Variants in STAT5A observed in about 807,000 individuals in gnomAD.
STAT5A encodes the protein signal transducer and activator of transcription 5A.
In STAT5A, 26 loss-of-function variants were observed where a neutral mutation model predicts 100.2. That is an observed-to-expected ratio of 0.26 (90% CI 0.19 to 0.36). The LOEUF (loss-of-function observed/expected upper bound fraction) is 0.36, where lower values mean the gene tolerates loss of function less well. STAT5A is among the 10% of genes least tolerant of loss of function. The probability of loss-of-function intolerance (pLI) is 1.00; values close to 1 mark genes in which losing one functional copy is unlikely to be tolerated. For missense variants in STAT5A, 634 were observed against 1,027.5 expected, an observed-to-expected ratio of 0.62 and a Z score of 5.24; for synonymous variants, 330 against 424.3, an observed-to-expected ratio of 0.78 and a Z score of 2.73.
In STAT5A at chr17:42,304,791, G is replaced by A; in HGVS notation, c.1380+139G>A. On this transcript the variant is annotated intron_variant, in intron 11 of 18. Transcript: ENST00000590949. The surrounding 1 kb of genome is among the most constrained non-coding windows in gnomAD (Gnocchi z 4.8). ...GTCCCTGTTTGATAGGTTATAATCT[G>A]GGACTAACCCAGACAATTTAGGCAA... The A allele has an allele frequency of 7.3e-7, 1 of 1,368,810 alleles. No individual in the cohort carries two copies. 84.8% of individuals were successfully genotyped at this position (1,368,810 alleles called of 1,614,324 possible).
intron 9 of STAT5A, among the ~76,000 whole-genome samples, chr17:42,301,972 G>A (rs904446530): frequency 3.9e-5 from 6 of 152,024 alleles, no homozygotes; most frequent in African/African-American, 1.5e-4. Flanking sequence ...AGTTTGAGTT[G>A]GACAATATAG....
chr17:42,310,903 T>C lies in STAT5A; in HGVS notation c.*234T>C, dbSNP rs562063359. 345 of 642,900 alleles carry C rather than the reference T, an allele frequency of 5.4e-4. 1 individual carries two copies. Among genetic ancestry groups the C allele is most frequent in the East Asian group, 1.0e-3 (34 of 34,054 alleles). The allele number at this position is 642,900 out of a possible 1,614,324, so 39.8% of individuals were successfully genotyped here. On this transcript the variant is annotated 3_prime_UTR_variant, in exon 19 of 19. Coordinates refer to ENST00000590949, the MANE Select transcript of STAT5A (RefSeq NM_001288718.2). Reference sequence around the variant, plus strand: ...TCATGGCATCCAAGAGTGCGCCGAGTCTGTCTCTGTCATGGTAGAGACCGA... The same window carrying C: ...TCATGGCATCCAAGAGTGCGCCGAGCCTGTCTCTGTCATGGTAGAGACCGA...
At position 42,308,653 on chromosome 17, in the gene STAT5A, C is replaced by CCAGGGA; in HGVS notation, c.2062+320_2062+321insCAGGGA. On this transcript the variant is annotated intron_variant, in intron 16 of 18. Coordinates refer to ENST00000590949, the MANE Select transcript of STAT5A (RefSeq NM_001288718.2). This position sits in a 1 kb window ranked among gnomAD's most constrained non-coding sequence, Gnocchi z 4.6. ...AGCCCACAGATAGTGCTCCGCTCCC[C>CCAGGGA]ACCTCACCAGCTGCTCTCCACACCC... The CCAGGGA allele has an allele frequency of 2.0e-6, 1 of 493,692 alleles. No homozygotes were observed. The highest frequency in any genetic ancestry group is 3.7e-6 in the Non-Finnish European group (1 of 272,596). The allele number at this position is 493,692 out of a possible 1,614,324, so 30.6% of individuals were successfully genotyped here.
chr17:42,300,998 G>T, intron 8 of STAT5A, 128 bp downstream of exon 8: 2 of 1,542,726 alleles, frequency 1.3e-6, no homozygotes, highest in Middle Eastern at 2.2e-4. Context: ...TCCATCTCCA[G>T]TTGCTGTGGC....
At chr17:42,292,703 T>C (rs1217134554) in intron 4 of STAT5A, among the ~76,000 whole-genome samples, 8 of 150,998 alleles carry the variant, frequency 5.3e-5, no homozygotes, top group Admixed American at 5.3e-4. Context: ...CTCTGCTCAC[T>C]GCAACCTCTG....
chr17:42,302,049 C>T (rs1170906466), intron 9 of STAT5A, among the ~76,000 whole-genome samples: 3 of 152,060 alleles, frequency 2.0e-5, no homozygotes, highest in African/African-American at 7.2e-5. Flanking sequence ...ACTTGTAGTC[C>T]CAGCTACTCG....
chr17:42,299,067 C>T (rs1160506652), intron 5 of STAT5A, among the ~76,000 whole-genome samples: 2 of 152,138 alleles, frequency 1.3e-5, no homozygotes, highest in Non-Finnish European at 2.9e-5. Context: ...CTCATCCTCC[C>T]CTGAGGAGGG....
intron 5 of STAT5A, among the ~76,000 whole-genome samples, chr17:42,298,301 C>T (rs1017289224): frequency 6.6e-6 from 1 of 151,850 alleles, no homozygotes; most frequent in Admixed American, 6.6e-5. Context: ...GCTGGGATTA[C>T]AGGCATGCGC....
Position 42,309,102 on chromosome 17 carries a change from A to G in STAT5A, c.2114+4A>G, listed in dbSNP as rs373150416. 29 of 1,613,900 alleles carry G rather than the reference A, an allele frequency of 1.8e-5. No individual in the cohort carries two copies. Among genetic ancestry groups the G allele is most frequent in the Non-Finnish European group, 2.4e-5 (28 of 1,180,008 alleles). ...AGATCAAGCAAGTGGTCCCTGAGTA[A>G]GTGTCCAGGTGGCTGTGGCTCTCCT... On this transcript the variant is annotated splice_donor_region_variant and intron_variant, in intron 17 of 18. Transcript: ENST00000590949.
chr17:42,307,094 C>T (rs2081036458), intron 13 of STAT5A, among the ~76,000 whole-genome samples: 1 of 152,130 alleles, frequency 6.6e-6, no homozygotes, highest in African/African-American at 2.4e-5. Flanking sequence ...AGTTTCCCCA[C>T]CTGTAAAATG....
intron 4 of STAT5A, 125 bp from the exon 5 acceptor site, chr17:42,295,494 T>G (rs1017350833): frequency 1.0e-4 from 99 of 971,512 alleles, no homozygotes; most frequent in Admixed American, 5.3e-5. Context: ...CTTCTTGCCC[T>G]AGTTTCCCTT....
In STAT5A at chr17:42,299,804, A is replaced by C. The variant is rs747188957; in HGVS notation, c.604A>C (p.Thr202Pro). The C allele has an allele frequency of 6.2e-7, 1 of 1,613,586 alleles. No homozygotes were observed. The highest frequency in any genetic ancestry group is 8.5e-7 in the Non-Finnish European group (1 of 1,179,894). The change falls in exon 6 of 19, where the codon ACG (threonine) becomes CCG (proline). Residue 202 changes from threonine to proline, a missense_variant. By Grantham distance (38) the Thr-to-Pro change is conservative. This residue lies in a region of STAT5A where 207 missense variants were observed against 256.6 expected (regional missense o/e 0.81). Transcript: ENST00000590949. ...LSPQERLSRETALQQKQVSLE... is the reference protein window; with the variant it reads ...LSPQERLSREPALQQKQVSLE... ...CCCCCAGGAGCGTCTGAGCCGGGAG[A>C]CGGCCCTCCAGCAGAAGCAGGTGTC...
At chr17:42,289,087 C>G (rs906126874) in intron 1 of STAT5A, 2 of 254,134 alleles carry the variant, frequency 7.9e-6, no homozygotes, top group African/African-American at 2.2e-5. Context: ...GGCCTCCCGC[C>G]GTCAAGTTTC....
At position 42,300,887 on chromosome 17, in the gene STAT5A, T is replaced by G. The variant is rs758485630; in HGVS notation, c.989+17T>G. 1.9e-6 allele frequency: 3 copies of G among 1,611,122 alleles called. No homozygotes were observed. The Admixed American group carries it at 5.0e-5, about 27-fold the overall frequency. The stretch of plus-strand genomic sequence containing the variant: ...GGTGACCAGGTGACTGCTGCCTGTT[T>G]GCCATGCCCAGGAGCTTGGGGCAGC... On this transcript the variant is annotated intron_variant, in intron 8 of 18. Coordinates refer to ENST00000590949, the MANE Select transcript of STAT5A (RefSeq NM_001288718.2).
intron 9 of STAT5A, among the ~76,000 whole-genome samples, chr17:42,303,611 A>G (rs933670162): frequency 6.6e-6 from 1 of 151,754 alleles, no homozygotes; most frequent in East Asian, 1.9e-4. Context: ...TTGGGAGGCT[A>G]AGGCAGTGGA....
intron 5 of STAT5A, among the ~76,000 whole-genome samples, chr17:42,298,121 G>T (rs1481823022): frequency 1.2e-4 from 18 of 151,806 alleles, no homozygotes; most frequent in African/African-American, 4.4e-4. Context: ...ATACACAGGC[G>T]CCCTTGTGTT....
At chr17:42,301,489 A>C in intron 9 of STAT5A, 35 bp downstream of exon 9, 1 of 1,612,814 alleles carries the variant, frequency 6.2e-7, no homozygotes, top group Non-Finnish European at 8.5e-7. Flanking sequence ...GCCCAAGCTT[A>C]GGTGTGGGGG....
chr17:42,306,247 G>C lies in STAT5A; in HGVS notation c.1480G>C (p.Val494Leu). ...WDNAFAEPGR[V>L]PFAVPDKVLW... Reference sequence around the variant, plus strand: ...TCTCTTGTCTCCCTCTCAGGGCAGGGTGCCATTTGCCGTGCCTGACAAAGT... The same window carrying C: ...TCTCTTGTCTCCCTCTCAGGGCAGGCTGCCATTTGCCGTGCCTGACAAAGT... Residue 494 changes from valine (V) to leucine (L), a missense_variant, in exon 13 of 19, where the codon GTG becomes CTG. Physicochemically the swap from Val to Leu is conservative, Grantham distance 32 (BLOSUM62 1). Transcript: ENST00000590949. 6.2e-7 allele frequency: 1 copy of C among 1,613,918 alleles called. No individual in the cohort carries two copies. The highest frequency in any genetic ancestry group is 8.5e-7 in the Non-Finnish European group (1 of 1,179,904).
chr17:42,290,330 C>T (rs986471593), intron 3 of STAT5A, among the ~76,000 whole-genome samples: 3 of 152,066 alleles, frequency 2.0e-5, no homozygotes, highest in African/African-American at 7.2e-5. Context: ...AAGGGAAGAC[C>T]AGCAGACTCT....
Sources: gnomAD v4.1 joint callset for allele counts (sites outside exome capture counted in the v4.1 genomes callset) on GRCh38, gnomAD v4.1.1 for gene constraint, gnomAD v4.1.1 regional missense constraint, Gnocchi (gnomAD v3.1) non-coding constraint, MANE v1.5 for transcripts, NCBI Gene and HGNC (gene_info 2026-07-23, HGNC 2026-07-21) for gene names.